The following C16orf96 variants were observed in gnomAD, a reference collection of about 807,000 sequenced individuals.
C16orf96 encodes uncharacterized protein C16orf96.
In C16orf96, 108 loss-of-function variants were observed where a neutral mutation model predicts 103.6. The ratio of observed to expected loss-of-function variants is 1.04; its 90% CI spans 0.89 to 1.22. The LOEUF is 1.22. Ranked by LOEUF, C16orf96 falls within the 50% of genes most tolerant of loss-of-function variation. The pLI, the probability that C16orf96 is intolerant of heterozygous loss-of-function variation, is 0.00. For synonymous variants in C16orf96, 566 were observed against 593.5 expected (o/e 0.95, Z 0.67); for missense variants, 1,586 against 1,464.2 (o/e 1.08, Z -1.36).
At position 4,600,367 on chromosome 16, in the gene C16orf96, C is replaced by T. The variant is rs1185017349; in HGVS notation, c.*50C>T. On this transcript the variant is annotated 3_prime_UTR_variant, in exon 16 of 16. Coordinates refer to ENST00000444310, the MANE Select transcript of C16orf96 (RefSeq NM_001145011.2). ...CGCCAAGTCCCCTCCACGTCCGAGG[C>T]TGAGGCCCATGTGGCCCTCCCACTC... 7.3e-7 allele frequency: 1 copy of T among 1,371,850 alleles called. No individual in the cohort carries two copies. The highest frequency in any genetic ancestry group is 1.0e-6 in the Non-Finnish European group (1 of 996,350). 85.0% of individuals were successfully genotyped at this position (1,371,850 alleles called of 1,614,324 possible).
rs1438678516 is a variant in C16orf96 at position 4,594,803 on chromosome 16, G to T, written c.3127G>T (p.Ala1043Ser). ...QPLAVAKELA[A>S]VKAPSPPSQS... ...CTTGGCCGTCGCAAAGGAGCTGGCA[G>T]GTGAGGGGCGTAGGGCTCCCTGGGG... Residue 1043 changes from alanine (A) to serine (S), a missense_variant and splice_region_variant, in exon 14 of 16, where the codon GCT becomes TCT. Ala to Ser is a moderately conservative substitution (Grantham distance 99). Coordinates refer to ENST00000444310, the MANE Select transcript of C16orf96 (RefSeq NM_001145011.2). 6.5e-7 allele frequency: 1 copy of T among 1,549,884 alleles called. No homozygotes were observed. Among genetic ancestry groups the T allele is most frequent in the African/African-American group, 1.4e-5 (1 of 73,014 alleles).
In C16orf96 at chr16:4,600,239, G is replaced by T. The variant is rs747253406; in HGVS notation, c.3348G>T (p.Gly1116=). ...TAAGGGACCCCCAGCAGGCCCCAGG[G>T]TCCACCAGGCTCTCAAGAGCTCCAC... ...PSLRDPQQAP[G]STRLSRAPHI... The change falls in exon 16 of 16, where the codon GGG becomes GGT. Residue 1116 remains glycine (G), a synonymous_variant. Coordinates refer to ENST00000444310, the MANE Select transcript of C16orf96 (RefSeq NM_001145011.2). The T allele has an allele frequency of 1.3e-6, 2 of 1,551,520 alleles. No individual in the cohort carries two copies. Among genetic ancestry groups the T allele is most frequent in the South Asian group, 2.4e-5 (2 of 84,054 alleles).
At chr16:4,571,270 C>G (rs1225359341) in intron 1 of C16orf96, among the ~76,000 whole-genome samples, 1 of 152,176 alleles carries the variant, frequency 6.6e-6, no homozygotes, top group Non-Finnish European at 1.5e-5. Flanking sequence ...TGCTTCCTCC[C>G]TGGCTGACAT....
At chr16:4,588,876 C>T (rs948023059) in intron 9 of C16orf96, among the ~76,000 whole-genome samples, 14 of 152,100 alleles carry the variant, frequency 9.2e-5, no homozygotes, top group Admixed American at 8.5e-4. Context: ...AGACTCAAAC[C>T]CAGAGCTGCC....
the C16orf96 span, among the ~76,000 whole-genome samples, chr16:4,545,022 G>A: frequency 6.6e-6 from 1 of 152,164 alleles, no homozygotes; most frequent in South Asian, 2.1e-4. Flanking sequence ...TGCATAGCAG[G>A]TATTCATATC....
At chr16:4,543,943 G>C in the C16orf96 span, among the ~76,000 whole-genome samples, 1 of 152,054 alleles carries the variant, frequency 6.6e-6, no homozygotes, top group African/African-American at 2.4e-5. Flanking sequence ...CACCCCGCCA[G>C]GATTCATGTT....
At position 4,588,602 on chromosome 16, in the gene C16orf96, A is replaced by G. The variant is rs551053439; in HGVS notation, c.2592+271A>G. Among the ~76,000 whole-genome samples, 4 of 151,692 alleles carry G rather than the reference A, an allele frequency of 2.6e-5. No individual in the cohort carries two copies. The South Asian group carries it at 8.4e-4, about 32-fold the overall frequency. On this transcript the variant is annotated intron_variant, in intron 9 of 15. Coordinates refer to ENST00000444310, the MANE Select transcript of C16orf96 (RefSeq NM_001145011.2). The stretch of plus-strand genomic sequence containing the variant: ...GTAACACTCTTCAGTTCCTCATCCC[A>G]TGGACTCTGCCTTTGGGCCACTTGA...
At chr16:4,542,812 A>G in the C16orf96 span, among the ~76,000 whole-genome samples, 1 of 152,062 alleles carries the variant, frequency 6.6e-6, no homozygotes, top group Non-Finnish European at 1.5e-5. Flanking sequence ...AAAAATTATC[A>G]ATGATATATT....
intron 14 of C16orf96, among the ~76,000 whole-genome samples, chr16:4,598,600 G>A (rs1167331655): frequency 6.6e-6 from 1 of 152,070 alleles, no homozygotes; most frequent in Non-Finnish European, 1.5e-5. Context: ...TTTACGTTAT[G>A]TGGATTTTAC....
rs1416265847 is a variant in C16orf96 at position 4,576,329 on chromosome 16, C to G, written c.1849C>G (p.Leu617Val). Residue 617 changes from leucine (L) to valine (V), a missense_variant, in exon 5 of 16, where the codon CTA becomes GTA. Transcript: ENST00000444310. The stretch of plus-strand genomic sequence containing the variant: ...AACAGACACGGCTGCAGCTGGGCCC[C>G]TAGGGGTCTTTGCAGATGTCCTGGG... ...IATDTAAAGPLGVFADVLGAG... is the reference protein window; with the variant it reads ...IATDTAAAGPVGVFADVLGAG... The G allele has an allele frequency of 6.4e-7, 1 of 1,550,768 alleles. No individual in the cohort carries two copies.
Position 4,576,251 on chromosome 16 carries a change from G to C in C16orf96, c.1771G>C (p.Val591Leu), listed in dbSNP as rs1036856845. 17 of 1,550,696 alleles carry C rather than the reference G, an allele frequency of 1.1e-5. No individual in the cohort carries two copies. The African/African-American group carries it at 2.2e-4, about 20-fold the overall frequency. The change falls in exon 5 of 16, where the codon GTT becomes CTT. Residue 591 changes from valine to leucine, a missense_variant. Physicochemically the swap from Val to Leu is conservative, Grantham distance 32 (BLOSUM62 1). Transcript: ENST00000444310. ...ATCCTCCGCTGCCCAGGCAGCCAAA[G>C]TTGCTGCCAAGTTTGTCAAGGATGC... Reference protein sequence around the residue: ...ATSSAAQAAKVAAKFVKDAPA... With the variant: ...ATSSAAQAAKLAAKFVKDAPA...
At chr16:4,542,756 C>T in the C16orf96 span, among the ~76,000 whole-genome samples, 6 of 152,018 alleles carry the variant, frequency 3.9e-5, no homozygotes, top group Non-Finnish European at 7.4e-5. Flanking sequence ...AAGATCACAC[C>T]ATTGCACTCC....
intron 9 of C16orf96, among the ~76,000 whole-genome samples, chr16:4,589,863 C>A (rs1897016871): frequency 1.3e-5 from 2 of 152,196 alleles, no homozygotes; most frequent in Non-Finnish European, 2.9e-5. Context: ...GTGGCTCACG[C>A]CTGTAATCCC....
Position 4,600,407 on chromosome 16 carries a change from C to T in C16orf96, c.*90C>T. ...CCCTCCCACTCCCACCAAGTCCCCTCCACATCGGAGGCTGAGGCCTATGTG... is the reference window on the plus strand; with the variant it reads ...CCCTCCCACTCCCACCAAGTCCCCTTCACATCGGAGGCTGAGGCCTATGTG... On this transcript the variant is annotated 3_prime_UTR_variant, in exon 16 of 16. Transcript: ENST00000444310. 1 of 944,730 alleles carries T rather than the reference C, an allele frequency of 1.1e-6. No individual in the cohort carries two copies. The highest frequency in any genetic ancestry group is 1.6e-6 in the Non-Finnish European group (1 of 622,932). The allele number at this position is 944,730 out of a possible 1,614,324, so 58.5% of individuals were successfully genotyped here. A position where few individuals can be genotyped will look rare whatever the true frequency, so the allele number is the denominator to read the frequency against.
chr16:4,580,543 T>A lies in C16orf96; in HGVS notation c.2352+418T>A, dbSNP rs143647272. ...GGGCTGGGTGATAAAAATAAAAAAATAATAATAAAAAGAAATATTTAGGCT... is the reference window on the plus strand; with the variant it reads ...GGGCTGGGTGATAAAAATAAAAAAAAAATAATAAAAAGAAATATTTAGGCT... On this transcript the variant is annotated intron_variant, in intron 7 of 15. Transcript: ENST00000444310. Among the ~76,000 whole-genome samples the A allele has an allele frequency of 1.3e-3, 200 of 152,096 alleles. 2 individuals carry two copies. Among genetic ancestry groups the A allele is most frequent in the Middle Eastern group, 6.8e-3 (2 of 294 alleles).
chr16:4,593,083 G>A lies in C16orf96; in HGVS notation c.2775-141G>A, dbSNP rs1233711555. On this transcript the variant is annotated intron_variant, in intron 11 of 15. Coordinates refer to ENST00000444310, the MANE Select transcript of C16orf96 (RefSeq NM_001145011.2). This position sits in a 1 kb window ranked among gnomAD's most constrained non-coding sequence, Gnocchi z 4.2. Reference sequence around the variant, plus strand: ...CCCCTTCTACTTCTATGCTGTGGACGCTTCTGGCATTCGAGGGTGGTGACC... The same window carrying A: ...CCCCTTCTACTTCTATGCTGTGGACACTTCTGGCATTCGAGGGTGGTGACC... 1.1e-5 allele frequency: 8 copies of A among 733,982 alleles called. No individual in the cohort carries two copies. Among genetic ancestry groups the A allele is most frequent in the African/African-American group, 3.5e-5 (2 of 57,228 alleles). The allele number at this position is 733,982 out of a possible 1,614,324, so 45.5% of individuals were successfully genotyped here.
At chr16:4,578,879 C>T in intron 5 of C16orf96, 61 bp from the exon 6 acceptor site, 4 of 1,329,874 alleles carry the variant, frequency 3.0e-6, no homozygotes, top group East Asian at 2.5e-5. Flanking sequence ...GCAGCTAGAG[C>T]CCAACAGAAA....
chr16:4,566,345 A>G (rs1483557429), intron 1 of C16orf96, among the ~76,000 whole-genome samples: 1 of 152,196 alleles, frequency 6.6e-6, no homozygotes, highest in Non-Finnish European at 1.5e-5. Flanking sequence ...AGCACTTAGT[A>G]TCTGACTTTC....
At chr16:4,557,540 T>C (rs2059279267) in intron 1 of C16orf96, among the ~76,000 whole-genome samples, 2 of 152,144 alleles carry the variant, frequency 1.3e-5, no homozygotes, top group African/African-American at 4.8e-5. Context: ...TTTGTGGATA[T>C]AGGGTTTCCT....
Sources: allele counts gnomAD v4.1 joint callset (sites outside exome capture counted in the v4.1 genomes callset), GRCh38; gene constraint gnomAD v4.1.1; non-coding constraint Gnocchi (gnomAD v3.1); transcripts MANE v1.5; gene names NCBI Gene and HGNC (gene_info 2026-07-23, HGNC 2026-07-21).